The following PRKDC variants were observed in gnomAD, a reference collection of about 807,000 sequenced individuals.
PRKDC encodes DNA-dependent protein kinase catalytic subunit.
Under a neutral mutation model 486.9 loss-of-function variants are expected in PRKDC, and 82 were observed. The observed-to-expected ratio is 0.17, with a 90% CI of 0.14 to 0.20. The LOEUF (loss-of-function observed/expected upper bound fraction) is 0.20. Among genes scored for constraint, PRKDC ranks in the 10% least tolerant of loss-of-function variants. The pLI is 1.00. For missense variants in PRKDC, 4,504 were observed against 5,038.2 expected (o/e 0.89, Z 3.21); for synonymous variants, 1,895 against 1,837.0 (o/e 1.03, Z -0.81).
chr8:47,861,207 G>A (rs1302806081), intron 44 of PRKDC, among the ~76,000 whole-genome samples: 8 of 152,180 alleles, frequency 5.3e-5, no homozygotes, highest in Non-Finnish European at 1.0e-4. Flanking sequence ...CTCAGCTCTG[G>A]TACAGCTCAC....
At chr8:47,919,433 G>A (rs1307255090) in intron 21 of PRKDC, among the ~76,000 whole-genome samples, 2 of 152,172 alleles carry the variant, frequency 1.3e-5, no homozygotes, top group African/African-American at 2.4e-5. Context: ...ATTAAACTTT[G>A]ACACATGTTC....
intron 7 of PRKDC, among the ~76,000 whole-genome samples, chr8:47,952,371 T>A (rs922069579): frequency 6.6e-6 from 1 of 152,196 alleles, no homozygotes; most frequent in African/African-American, 2.4e-5. Flanking sequence ...CAGGAAAAGC[T>A]ACATACCATG....
At chr8:47,819,863 G>T (rs2087545692) in intron 66 of PRKDC, among the ~76,000 whole-genome samples, 1 of 152,082 alleles carries the variant, frequency 6.6e-6, no homozygotes, top group Non-Finnish European at 1.5e-5. Context: ...CCTCAAGAGT[G>T]CTAATCAACT....
At chr8:47,927,015 A>G (rs1051126844) in intron 21 of PRKDC, 179 bp downstream of exon 21, 11 of 655,738 alleles carry the variant, frequency 1.7e-5, no homozygotes, top group Non-Finnish European at 2.7e-5. Flanking sequence ...TACCTCAACT[A>G]TATTTCTTTA....
At chr8:47,898,637 T>C in intron 28 of PRKDC, 68 bp from the exon 29 acceptor site, 2 of 1,000,754 alleles carry the variant, frequency 2.0e-6, no homozygotes, top group Non-Finnish European at 2.6e-6. Flanking sequence ...AAATTTGTAT[T>C]ATAAATGTGT....
chr8:47,935,193 G>A, intron 13 of PRKDC, 135 bp from the exon 14 acceptor site: 1 of 686,962 alleles, frequency 1.5e-6, no homozygotes, highest in Non-Finnish European at 2.4e-6. Context: ...TTCATTCACG[G>A]CTTTAATTTT....
In PRKDC at chr8:47,879,530, T is replaced by C; in HGVS notation, c.5196A>G (p.Gly1732=). 1 of 1,598,792 alleles carries C rather than the reference T, an allele frequency of 6.3e-7. No individual in the cohort carries two copies. The highest frequency in any genetic ancestry group is 2.2e-5 in the East Asian group (1 of 44,458). The change falls in exon 39 of 86, where the codon GGA becomes GGG. Residue 1732 remains glycine, a synonymous_variant. Coordinates refer to ENST00000314191, the MANE Select transcript of PRKDC (RefSeq NM_006904.7). ...FPMQSREFPP[G]TPRFNNYVDC... is the part of the protein sequence containing the mutation. ...CCACATAATTATTGAACCGCGGAGT[T>C]CCTGGAGGAAATTCCCTGGACTGCA...
chr8:47,880,545 T>TA (rs979200457), intron 38 of PRKDC, among the ~76,000 whole-genome samples: 18 of 152,316 alleles, frequency 1.2e-4, no homozygotes, highest in African/African-American at 4.3e-4. Context: ...CAGTAGGGTT[T>TA]AAAATCTAAT....
intron 25 of PRKDC, among the ~76,000 whole-genome samples, chr8:47,911,377 A>G (rs2089899627): frequency 6.6e-6 from 1 of 152,248 alleles, no homozygotes; most frequent in South Asian, 2.1e-4. Flanking sequence ...CAGACATTCT[A>G]TCACATTAAA....
In PRKDC at chr8:47,957,449, T is replaced by TA; in HGVS notation, c.155-19dup. 6.4e-7 allele frequency: 1 copy of TA among 1,552,134 alleles called. No individual in the cohort carries two copies. ...CTGTAATGCTGTTCAAAAAAATAAG[T>TA]AAACAAGTTAAGAGAGTGCCAAGAG... is the stretch of plus-strand genomic sequence containing the variant. On this transcript the variant is annotated intron_variant, in intron 1 of 85. Coordinates refer to ENST00000314191, the MANE Select transcript of PRKDC (RefSeq NM_006904.7).
chr8:47,953,986 T>G, intron 5 of PRKDC, 67 bp from the exon 6 acceptor site: 3 of 820,640 alleles, frequency 3.7e-6, no homozygotes, highest in Non-Finnish European at 5.6e-6. Context: ...CTAACCAAAA[T>G]GTATGAAGAA....
At chr8:47,907,394 A>AGC (rs2089805724) in intron 25 of PRKDC, among the ~76,000 whole-genome samples, 1 of 133,268 alleles carries the variant, frequency 7.5e-6, no homozygotes, top group Non-Finnish European at 1.6e-5. Context: ...ATGTATACAT[A>AGC]GCTATATATA....
intron 76 of PRKDC, 24 bp from the exon 77 acceptor site, chr8:47,785,341 T>C: frequency 1.3e-6 from 2 of 1,514,182 alleles, no homozygotes; most frequent in Non-Finnish European, 1.8e-6. Flanking sequence ...GAATTTACTA[T>C]AAAGACTGAT....
At position 47,839,235 on chromosome 8, in the gene PRKDC, C is replaced by T; in HGVS notation, c.7466G>A (p.Ser2489Asn). The stretch of plus-strand genomic sequence containing the variant: ...TTCCTGGGAGTCATTATCTGTCTCA[C>T]TTTCTGGATCTCTGCTTGAGAAAAC... ...WIHDNYRDPE[S>N]ETDNDSQEIF... is the part of the protein sequence containing the mutation. Residue 2489 changes from serine to asparagine, a missense_variant, in exon 56 of 86, where the codon AGT (serine) becomes AAT (asparagine). Physicochemically the swap from Ser to Asn is conservative, Grantham distance 46. This residue lies in a region of PRKDC where 1,592 missense variants were observed against 1,724.6 expected (regional missense o/e 0.92). Coordinates refer to ENST00000314191, the MANE Select transcript of PRKDC (RefSeq NM_006904.7). The T allele has an allele frequency of 6.2e-7, 1 of 1,612,586 alleles. No homozygotes were observed. Among genetic ancestry groups the T allele is most frequent in the Admixed American group, 1.7e-5 (1 of 59,974 alleles).
At chr8:47,823,236 T>C (rs1190858682) in intron 64 of PRKDC, among the ~76,000 whole-genome samples, 1 of 151,824 alleles carries the variant, frequency 6.6e-6, no homozygotes, top group African/African-American at 2.4e-5. Context: ...CTCAGGTGGC[T>C]GAGGTGGGAG....
chr8:47,810,031 A>G (rs980917583), intron 68 of PRKDC, among the ~76,000 whole-genome samples: 2 of 152,204 alleles, frequency 1.3e-5, no homozygotes, highest in Non-Finnish European at 2.9e-5. Context: ...CTAGTTCTGC[A>G]CATGAACCCA....
intron 61 of PRKDC, among the ~76,000 whole-genome samples, chr8:47,829,811 A>G (rs2087823068): frequency 6.6e-6 from 1 of 152,226 alleles, no homozygotes; most frequent in Non-Finnish European, 1.5e-5. Context: ...TTCCATATTC[A>G]CGGATTAGAA....
chr8:47,786,537 TATG>T (rs2086794011), intron 76 of PRKDC, among the ~76,000 whole-genome samples: 1 of 152,108 alleles, frequency 6.6e-6, no homozygotes, highest in Non-Finnish European at 1.5e-5. Context: ...TCTACATCAT[TATG>T]ATGACACAAA....
chr8:47,914,203 T>C (rs2089952834), intron 23 of PRKDC, 139 bp from the exon 24 acceptor site: 1 of 701,330 alleles, frequency 1.4e-6, no homozygotes, highest in East Asian at 3.3e-5. Context: ...CTTTCCCTTT[T>C]CTTTTGCCTC....
Sources: allele counts gnomAD v4.1 joint callset (sites outside exome capture counted in the v4.1 genomes callset), GRCh38; gene constraint gnomAD v4.1.1; regional missense constraint gnomAD v4.1.1; transcripts MANE v1.5; gene names NCBI Gene and HGNC (gene_info 2026-07-23, HGNC 2026-07-21).